Variants in DSCAML1 observed in about 807,000 individuals in gnomAD.
The protein encoded by DSCAML1 is cell adhesion molecule DSCAML1.
A neutral mutation model predicts 200.5 loss-of-function variants in DSCAML1; 38 were observed. That is an observed-to-expected ratio of 0.19 (90% CI 0.15 to 0.25). The LOEUF (loss-of-function observed/expected upper bound fraction) is 0.25. DSCAML1 is among the 10% of genes least tolerant of loss of function. The pLI, the probability that DSCAML1 is intolerant of heterozygous loss-of-function variation, is 1.00. For missense variants in DSCAML1, 2,223 were observed against 2,858.8 expected, an observed-to-expected ratio of 0.78 and a Z score of 5.07; for synonymous variants, 1,215 against 1,165.0, an observed-to-expected ratio of 1.04 and a Z score of -0.87.
In DSCAML1 at chr11:117,602,227, G is replaced by T. The variant is rs141128833; in HGVS notation, c.512-69705C>A. 3.4e-3 allele frequency among the ~76,000 whole-genome samples: 519 copies of T among 152,316 alleles called. 3 individuals carry two copies. Among genetic ancestry groups the T allele is most frequent in the African/African-American group, 0.012 (503 of 41,564 alleles). ...CCCAGATATGGAAGGTGTCTGACTTGGTGCCAGCCAAGAATGCTCCCTTTG... is the reference window on the plus strand; with the variant it reads ...CCCAGATATGGAAGGTGTCTGACTTTGTGCCAGCCAAGAATGCTCCCTTTG... On this transcript the variant is annotated intron_variant, in intron 3 of 32. Coordinates refer to ENST00000651296, the MANE Select transcript of DSCAML1 (RefSeq NM_020693.4).
intron 4 of DSCAML1, among the ~76,000 whole-genome samples, chr11:117,530,931 A>C (rs2050066301): frequency 6.6e-6 from 1 of 152,206 alleles, no homozygotes; most frequent in South Asian, 2.1e-4. Flanking sequence ...AGAGATTTTC[A>C]ACTCGCAACC....
chr11:117,464,932 G>C lies in DSCAML1; in HGVS notation c.3265+10C>G. On this transcript the variant is annotated intron_variant, in intron 17 of 32. Coordinates refer to ENST00000651296, the MANE Select transcript of DSCAML1 (RefSeq NM_020693.4). ...AATCTGTGCCCACTCCCTTCTGCTG[G>C]GGCCCTCACCATCCTCCAGAGTGGT... 2 of 1,612,290 alleles carry C rather than the reference G, an allele frequency of 1.2e-6. No individual in the cohort carries two copies. Among genetic ancestry groups the C allele is most frequent in the Non-Finnish European group, 1.7e-6 (2 of 1,178,962 alleles).
At chr11:117,745,565 G>A (rs917283187) in intron 3 of DSCAML1, among the ~76,000 whole-genome samples, 2 of 152,174 alleles carry the variant, frequency 1.3e-5, no homozygotes, top group African/African-American at 2.4e-5. Flanking sequence ...GTTCACTGGG[G>A]CTGGGGGCTA....
intron 3 of DSCAML1, among the ~76,000 whole-genome samples, chr11:117,551,679 A>C (rs1457889772): frequency 6.6e-6 from 1 of 152,066 alleles, no homozygotes; most frequent in East Asian, 1.9e-4. Flanking sequence ...CAGAACTGGG[A>C]GATGGGGCAG....
chr11:117,617,720 A>T (rs1319332517), intron 3 of DSCAML1, among the ~76,000 whole-genome samples: 2 of 132,448 alleles, frequency 1.5e-5, no homozygotes, highest in Non-Finnish European at 3.3e-5. Context: ...ACACACACAC[A>T]CACTCTCACT....
intron 1 of DSCAML1, among the ~76,000 whole-genome samples, chr11:117,781,765 C>T (rs1315245032): frequency 2.0e-5 from 3 of 152,272 alleles, no homozygotes; most frequent in Admixed American, 6.5e-5. Flanking sequence ...AGACCGCTTC[C>T]ATCTCTGACA....
chr11:117,738,454 C>T (rs752332496), intron 3 of DSCAML1, among the ~76,000 whole-genome samples: 9 of 152,008 alleles, frequency 5.9e-5, no homozygotes, highest in Admixed American at 1.3e-4. Context: ...ACTCATACAA[C>T]GTCAATGTCA....
chr11:117,429,005 T>C (rs1461447779), intron 32 of DSCAML1, among the ~76,000 whole-genome samples: 1 of 152,200 alleles, frequency 6.6e-6, no homozygotes, highest in Non-Finnish European at 1.5e-5. Flanking sequence ...GAAGTGGGGA[T>C]GATCTTACTT....
At chr11:117,685,231 A>T (rs2137704109) in intron 3 of DSCAML1, among the ~76,000 whole-genome samples, 1 of 152,362 alleles carries the variant, frequency 6.6e-6, no homozygotes, top group Admixed American at 6.5e-5. Context: ...AGATCATTTC[A>T]TCAGGCTCTT....
At chr11:117,754,094 T>C (rs1208404474) in intron 3 of DSCAML1, among the ~76,000 whole-genome samples, 2 of 152,140 alleles carry the variant, frequency 1.3e-5, no homozygotes, top group Non-Finnish European at 2.9e-5. Context: ...GATTCCCGAC[T>C]TTTGGATCAG....
intron 3 of DSCAML1, among the ~76,000 whole-genome samples, chr11:117,547,156 C>G (rs1213003715): frequency 6.6e-6 from 1 of 152,178 alleles, no homozygotes; most frequent in Non-Finnish European, 1.5e-5. Context: ...ATTCCCGGCC[C>G]TCGTCCGCTG....
In DSCAML1 at chr11:117,758,711, C is replaced by G. The variant is rs537307029; in HGVS notation, c.511+18080G>C. On this transcript the variant is annotated intron_variant, in intron 3 of 32. Transcript: ENST00000651296. ...GCCAAAGCGCCCGGCCGGCAGAACT[C>G]TTTATTGCCATCTTTGGTTATCTCT... 2.0e-5 allele frequency among the ~76,000 whole-genome samples: 3 copies of G among 152,242 alleles called. No individual in the cohort carries two copies. The East Asian group carries it at 5.8e-4, about 30-fold the overall frequency.
At chr11:117,697,757 G>T (rs980381319) in intron 3 of DSCAML1, among the ~76,000 whole-genome samples, 1 of 151,370 alleles carries the variant, frequency 6.6e-6, no homozygotes, top group Non-Finnish European at 1.5e-5. Context: ...CATGTTGTAG[G>T]ATGTGTCAAA....
At chr11:117,519,131 A>T (rs917957767) in intron 6 of DSCAML1, among the ~76,000 whole-genome samples, 2 of 152,238 alleles carry the variant, frequency 1.3e-5, no homozygotes, top group Admixed American at 1.3e-4. Context: ...GGCTTCACAC[A>T]GCGCTTTGTA....
chr11:117,754,839 C>CCCTACCTG (rs375158198), intron 3 of DSCAML1, among the ~76,000 whole-genome samples: 1 of 152,142 alleles, frequency 6.6e-6, no homozygotes, highest in Non-Finnish European at 1.5e-5. Flanking sequence ...GTGCCTCCCT[C>CCCTACCTG]CCTACCTGCC....
chr11:117,647,376 G>A (rs1011681514), intron 3 of DSCAML1, among the ~76,000 whole-genome samples: 1 of 152,362 alleles, frequency 6.6e-6, no homozygotes, highest in Middle Eastern at 3.4e-3. Flanking sequence ...CTCCCAGCAA[G>A]CATGAGTGAT....
At chr11:117,452,730 A>G (rs1036239185) in intron 19 of DSCAML1, among the ~76,000 whole-genome samples, 1 of 152,128 alleles carries the variant, frequency 6.6e-6, no homozygotes, top group Non-Finnish European at 1.5e-5. Context: ...AATAAAAAAT[A>G]TTCTATTTTC....
chr11:117,811,992 GC>G (rs1694527314), intron 1 of DSCAML1, among the ~76,000 whole-genome samples: 1 of 152,120 alleles, frequency 6.6e-6, no homozygotes. Flanking sequence ...ACTCTTTTAT[GC>G]ACTCTTTTTT....
At chr11:117,604,051 C>A (rs1370216580) in intron 3 of DSCAML1, among the ~76,000 whole-genome samples, 1 of 152,218 alleles carries the variant, frequency 6.6e-6, no homozygotes, top group Non-Finnish European at 1.5e-5. Flanking sequence ...CAAACCCCAG[C>A]CTGTCTGACT....
Sources: gnomAD v4.1 joint callset for allele counts (sites outside exome capture counted in the v4.1 genomes callset) on GRCh38, gnomAD v4.1.1 for gene constraint, MANE v1.5 for transcripts, NCBI Gene and HGNC (gene_info 2026-07-23, HGNC 2026-07-21) for gene names.